KIAA1217: variants seen among roughly 807,000 people sequenced by gnomAD.
KIAA1217 encodes KIAA1217, also known as sickle tail protein homolog.
KIAA1217 carries 88 observed loss-of-function variants against 163.9 expected under a neutral mutation model. The ratio of observed to expected loss-of-function variants is 0.54; its 90% CI spans 0.45 to 0.64. KIAA1217 has a LOEUF of 0.64. KIAA1217 is among the 30% of genes least tolerant of loss of function. The pLI is 0.00. For missense variants in KIAA1217, 2,372 were observed against 2,475.0 expected (o/e 0.96, Z 0.88); for synonymous variants, 903 against 923.1 (o/e 0.98, Z 0.39).
At chr10:24,408,124 A>C (rs1380390287) in intron 3 of KIAA1217, among the ~76,000 whole-genome samples, 2 of 151,804 alleles carry the variant, frequency 1.3e-5, no homozygotes, top group African/African-American at 4.8e-5. Flanking sequence ...TCATCCAACT[A>C]CTCTTTGCTC....
chr10:24,489,282 A>G (rs1404640818), intron 6 of KIAA1217, among the ~76,000 whole-genome samples: 1 of 152,046 alleles, frequency 6.6e-6, no homozygotes, highest in Non-Finnish European at 1.5e-5. Context: ...CTGGCTAAAA[A>G]TCATCCCCTA....
In KIAA1217 at chr10:24,417,079, C is replaced by T. The variant is rs574884170; in HGVS notation, c.554-15916C>T. 2.0e-5 allele frequency among the ~76,000 whole-genome samples: 3 copies of T among 152,226 alleles called. No individual in the cohort carries two copies. In the East Asian group the frequency reaches 5.8e-4, roughly 29 times the overall value. On this transcript the variant is annotated intron_variant, in intron 3 of 20. Coordinates refer to ENST00000376454, the MANE Select transcript of KIAA1217 (RefSeq NM_019590.5). ...GATGGATTAGGTTCCTTTATGTTTTCAGGTCACGTAAGAGATACAGCGAGT... is the reference window on the plus strand; with the variant it reads ...GATGGATTAGGTTCCTTTATGTTTTTAGGTCACGTAAGAGATACAGCGAGT...
chr10:24,175,121 C>T (rs1305553525), intron 2 of KIAA1217, among the ~76,000 whole-genome samples: 4 of 152,132 alleles, frequency 2.6e-5, no homozygotes, highest in African/African-American at 7.2e-5. Context: ...CTTGGCCTCC[C>T]GAAGTGCTGG....
At chr10:24,338,274 A>G (rs1030821854) in intron 2 of KIAA1217, among the ~76,000 whole-genome samples, 2 of 152,162 alleles carry the variant, frequency 1.3e-5, no homozygotes, top group Non-Finnish European at 2.9e-5. Context: ...CTAAGGTTGA[A>G]CCCATACATA....
rs1000749193 is a variant in KIAA1217, at chr10:24,132,699, C to T, written c.-170-86927C>T. Among the ~76,000 whole-genome samples the T allele has an allele frequency of 3.9e-4, 59 of 152,260 alleles. 1 individual carries two copies. Among genetic ancestry groups the T allele is most frequent in the African/African-American group, 1.4e-3 (58 of 41,560 alleles). The stretch of plus-strand genomic sequence containing the variant: ...CGGAATATCAAGAATGGGTTCTATA[C>T]ATGAAACATTTGTCAGCATAAAGAG... On this transcript the variant is annotated intron_variant, in intron 2 of 18. Coordinates refer to the KIAA1217 transcript ENST00000376462.
chr10:24,192,286 T>C (rs1260156703), intron 2 of KIAA1217, among the ~76,000 whole-genome samples: 3 of 152,200 alleles, frequency 2.0e-5, no homozygotes, highest in African/African-American at 7.2e-5. Context: ...TCCCTGTGTC[T>C]TCAGAGACAA....
chr10:24,454,089 G>GA (rs1008267696), intron 5 of KIAA1217, among the ~76,000 whole-genome samples: 3 of 151,502 alleles, frequency 2.0e-5, no homozygotes, highest in African/African-American at 2.4e-5. Flanking sequence ...AAAGAAAAAC[G>GA]AAAAAAAACC....
At chr10:23,825,124 A>G (rs945732950) in intron 1 of KIAA1217, among the ~76,000 whole-genome samples, 6 of 152,108 alleles carry the variant, frequency 3.9e-5, no homozygotes, top group African/African-American at 1.4e-4. Context: ...TTTTGTTTCT[A>G]TTTGTCTCTG....
At chr10:24,451,318 A>G (rs2061356349) in intron 5 of KIAA1217, among the ~76,000 whole-genome samples, 1 of 152,224 alleles carries the variant, frequency 6.6e-6, no homozygotes, top group African/African-American at 2.4e-5. Context: ...GGCTGCTGGC[A>G]GAGCTCTCAG....
chr10:24,061,706 C>G (rs901325643), intron 2 of KIAA1217, among the ~76,000 whole-genome samples: 2 of 152,172 alleles, frequency 1.3e-5, no homozygotes, highest in African/African-American at 4.8e-5. Context: ...AATATATCAT[C>G]CCACTCCCTT....
chr10:24,422,584 C>T (rs2058821769), intron 3 of KIAA1217, among the ~76,000 whole-genome samples: 2 of 152,130 alleles, frequency 1.3e-5, no homozygotes, highest in Admixed American at 1.3e-4. Flanking sequence ...ACAAGAAGAC[C>T]TATTTGGAAG....
At chr10:24,466,962 AAT>A (rs371196617) in intron 5 of KIAA1217, among the ~76,000 whole-genome samples, 8 of 150,536 alleles carry the variant, frequency 5.3e-5, no homozygotes, top group East Asian at 1.9e-4. Flanking sequence ...TTCCACAAGC[AAT>A]ATATATATAT....
intron 1 of KIAA1217, among the ~76,000 whole-genome samples, chr10:23,704,170 G>GTATATATATA (rs1314137167): frequency 6.5e-4 from 35 of 54,110 alleles, no homozygotes; most frequent in South Asian, 6.5e-4. Context: ...GTGTGTGTGT[G>GTATATATATA]TGTATATATA....
intron 2 of KIAA1217, among the ~76,000 whole-genome samples, chr10:24,164,646 ATTAAATGG>A (rs758391566): frequency 2.6e-5 from 4 of 152,226 alleles, no homozygotes; most frequent in Non-Finnish European, 5.9e-5. Flanking sequence ...GGAAAAGAAT[ATTAAATGG>A]ACCTATTTTC....
At chr10:24,472,016 G>A (rs1474862485) in intron 5 of KIAA1217, among the ~76,000 whole-genome samples, 1 of 151,852 alleles carries the variant, frequency 6.6e-6, no homozygotes, top group Non-Finnish European at 1.5e-5. Flanking sequence ...TAGCTTGAAT[G>A]TTATATATAT....
intron 1 of KIAA1217, among the ~76,000 whole-genome samples, chr10:23,832,132 A>G (rs769546456): frequency 2.1e-4 from 32 of 152,320 alleles, no homozygotes; most frequent in Non-Finnish European, 2.6e-4. Flanking sequence ...CACTTCAGAT[A>G]CCAATAGCAA....
At chr10:24,498,982 T>C (rs2067169508) in intron 8 of KIAA1217, among the ~76,000 whole-genome samples, 1 of 152,198 alleles carries the variant, frequency 6.6e-6, no homozygotes, top group Non-Finnish European at 1.5e-5. Flanking sequence ...ATAGAAAGAA[T>C]GTGTGATTTC....
intron 1 of KIAA1217, among the ~76,000 whole-genome samples, chr10:23,796,265 TC>T (rs1836196805): frequency 6.6e-6 from 1 of 152,172 alleles, no homozygotes; most frequent in South Asian, 2.1e-4. Context: ...CTTAGTCACT[TC>T]ACCTCTGTAA....
intron 1 of KIAA1217, among the ~76,000 whole-genome samples, chr10:23,839,080 ACTTTTT>A (rs1480419341): frequency 6.6e-6 from 1 of 152,140 alleles, no homozygotes; most frequent in Admixed American, 6.5e-5. Flanking sequence ...CATTTTCAAT[ACTTTTT>A]CTTTTAGAAT....
Sources: gnomAD v4.1 joint callset for allele counts (sites outside exome capture counted in the v4.1 genomes callset) on GRCh38, gnomAD v4.1.1 for gene constraint, MANE v1.5 for transcripts, NCBI Gene and HGNC (gene_info 2026-07-23, HGNC 2026-07-21) for gene names.